Variants in CENPP observed in about 807,000 individuals in gnomAD.
CENPP encodes the protein centromere protein P.
A neutral mutation model predicts 35.6 loss-of-function variants in CENPP; 24 were observed. The ratio of observed to expected loss-of-function variants is 0.67; its 90% CI spans 0.49 to 0.95. CENPP has a LOEUF of 0.95. Among genes scored for constraint, CENPP ranks in the 40% least tolerant of loss-of-function variants. CENPP has a pLI of 0.00. For missense variants in CENPP, 332 were observed against 345.3 expected, an observed-to-expected ratio of 0.96 and a Z score of 0.31; for synonymous variants, 120 against 125.5, an observed-to-expected ratio of 0.96 and a Z score of 0.29.
chr9:92,475,464 A>C (rs748472002), intron 5 of CENPP, among the ~76,000 whole-genome samples: 2 of 152,246 alleles, frequency 1.3e-5, no homozygotes, highest in Non-Finnish European at 2.9e-5. Context: ...ACCATAGATG[A>C]CTTGTGTTTT....
chr9:92,378,071 C>T (rs1362969990), intron 4 of CENPP, among the ~76,000 whole-genome samples: 1 of 152,100 alleles, frequency 6.6e-6, no homozygotes, highest in Non-Finnish European at 1.5e-5. Flanking sequence ...GACATCCTTT[C>T]TTTGCTTATG....
intron 5 of CENPP, chr9:92,457,107 T>C: frequency 1.4e-6 from 2 of 1,404,134 alleles, no homozygotes; most frequent in African/African-American, 1.5e-5. Context: ...AACCCTTATG[T>C]ATCAATAGTT....
At chr9:92,453,796 A>G (rs1305825186) in intron 5 of CENPP, among the ~76,000 whole-genome samples, 2 of 152,186 alleles carry the variant, frequency 1.3e-5, no homozygotes, top group Non-Finnish European at 2.9e-5. Flanking sequence ...TGGTAGCTTA[A>G]GGGAAACGAA....
intron 3 of CENPP, among the ~76,000 whole-genome samples, chr9:92,338,493 C>T (rs1293936659): frequency 6.6e-6 from 1 of 152,116 alleles, no homozygotes; most frequent in Non-Finnish European, 1.5e-5. Flanking sequence ...AGATTACTTC[C>T]AATACCCAAT....
At chr9:92,535,319 A>C (rs114771796) in intron 5 of CENPP, among the ~76,000 whole-genome samples, 203 of 152,266 alleles carry the variant, frequency 1.3e-3, no homozygotes, top group African/African-American at 4.5e-3. Flanking sequence ...CTTTGCACTT[A>C]ATATTTGCTT....
At chr9:92,555,146 CA>C (rs1849695201) in intron 5 of CENPP, among the ~76,000 whole-genome samples, 1 of 144,006 alleles carries the variant, frequency 6.9e-6, no homozygotes, top group Admixed American at 7.0e-5. Context: ...CGATTGGTAT[CA>C]ATTCTTCTTT....
intron 5 of CENPP, among the ~76,000 whole-genome samples, chr9:92,520,836 A>T (rs1483647778): frequency 1.3e-5 from 2 of 152,234 alleles, no homozygotes; most frequent in African/African-American, 4.8e-5. Context: ...AAAACATTAT[A>T]CTAAGTAAAG....
rs1303074667 is a variant in CENPP at position 92,614,584 on chromosome 9, C to CAAGTT, written c.*1437_*1441dup. 1 of 152,626 alleles carries CAAGTT rather than the reference C, an allele frequency of 6.6e-6. No homozygotes were observed. The highest frequency in any genetic ancestry group is 1.5e-5 in the Non-Finnish European group (1 of 68,038). 9.5% of individuals were successfully genotyped at this position (152,626 alleles called of 1,614,324 possible). ...CCTTGATTCAAACAAGTATAATTCT[C>CAAGTT]AAGTTATCACAAAATTTCCCACAAA... is the stretch of plus-strand genomic sequence containing the variant. On this transcript the variant is annotated 3_prime_UTR_variant, in exon 8 of 8. Transcript: ENST00000375587.
intron 5 of CENPP, among the ~76,000 whole-genome samples, chr9:92,592,054 A>C (rs563896336): frequency 6.6e-6 from 1 of 152,290 alleles, no homozygotes; most frequent in South Asian, 2.1e-4. Context: ...AAAGTATAAA[A>C]AAAAATAGAC....
At chr9:92,505,497 T>A in intron 5 of CENPP, 1 of 1,521,396 alleles carries the variant, frequency 6.6e-7, no homozygotes. Context: ...ATTTCAAATA[T>A]AATACATTTA....
intron 5 of CENPP, among the ~76,000 whole-genome samples, chr9:92,380,272 C>T (rs1842214270): frequency 6.6e-6 from 1 of 152,178 alleles, no homozygotes; most frequent in African/African-American, 2.4e-5. Flanking sequence ...ATACCAAAGC[C>T]TGATTCTTGC....
chr9:92,411,117 C>T (rs1323326465), intron 5 of CENPP, among the ~76,000 whole-genome samples: 1 of 151,966 alleles, frequency 6.6e-6, no homozygotes, highest in Non-Finnish European at 1.5e-5. Context: ...GGACTACAGG[C>T]GCCTGCCACC....
chr9:92,420,496 T>C (rs1433549409), intron 5 of CENPP, among the ~76,000 whole-genome samples: 2 of 152,160 alleles, frequency 1.3e-5, no homozygotes, highest in African/African-American at 4.8e-5. Flanking sequence ...TCACTCTCGA[T>C]TCAAGACCAC....
Position 92,619,528 on chromosome 9 carries a change from C to A in CENPP, c.*6379C>A. ...GGGAGACAGTGCAATCATGATGGAG[C>A]AGTCCTTGGCAGTCATGGCGACGCG... On this transcript the variant is annotated 3_prime_UTR_variant, in exon 8 of 8. Transcript: ENST00000375587. 1 of 1,591,798 alleles carries A rather than the reference C, an allele frequency of 6.3e-7. No individual in the cohort carries two copies. The highest frequency in any genetic ancestry group is 8.6e-7 in the Non-Finnish European group (1 of 1,169,528).
chr9:92,357,611 C>T (rs959011661), intron 4 of CENPP, among the ~76,000 whole-genome samples: 22 of 151,982 alleles, frequency 1.4e-4, no homozygotes, highest in African/African-American at 3.9e-4. Context: ...TCTCCTGCCA[C>T]GGCCTCCCAA....
At chr9:92,561,163 T>C (rs1005235818) in intron 5 of CENPP, among the ~76,000 whole-genome samples, 1 of 152,202 alleles carries the variant, frequency 6.6e-6, no homozygotes, top group Non-Finnish European at 1.5e-5. Flanking sequence ...TTCTGAGCTC[T>C]TTCCTGAGCT....
At chr9:92,418,534 A>G (rs942124404) in intron 5 of CENPP, among the ~76,000 whole-genome samples, 18 of 152,120 alleles carry the variant, frequency 1.2e-4, no homozygotes, top group African/African-American at 4.1e-4. Flanking sequence ...GCATGACATC[A>G]GTCAACTACA....
At chr9:92,510,014 A>G (rs780921836) in intron 5 of CENPP, 53 of 1,603,660 alleles carry the variant, frequency 3.3e-5, no homozygotes, top group Middle Eastern at 3.3e-4. Flanking sequence ...CCATATTCAA[A>G]CGCATTAACT....
chr9:92,377,946 T>C (rs1842161591), intron 4 of CENPP, among the ~76,000 whole-genome samples: 1 of 152,204 alleles, frequency 6.6e-6, no homozygotes, highest in Non-Finnish European at 1.5e-5. Context: ...GTCTGAAGGC[T>C]CCTCTTCTCT....
Sources: allele counts gnomAD v4.1 joint callset (sites outside exome capture counted in the v4.1 genomes callset), GRCh38; gene constraint gnomAD v4.1.1; transcripts MANE v1.5; gene names NCBI Gene and HGNC (gene_info 2026-07-23, HGNC 2026-07-21).